MTUS1: variants seen among roughly 807,000 people sequenced by gnomAD.
MTUS1 encodes the protein microtubule associated scaffold protein 1.
In MTUS1, 109 loss-of-function variants were observed where a neutral mutation model predicts 120.8. The observed-to-expected ratio is 0.90, with a 90% confidence interval of 0.77 to 1.06. The LOEUF is 1.06. Among genes scored for constraint, MTUS1 ranks in the 50% least tolerant of loss-of-function variants. The pLI, the probability that MTUS1 is intolerant of heterozygous loss-of-function variation, is 0.00. For synonymous variants in MTUS1, 737 were observed against 550.5 expected (o/e 1.34, Z -4.74); for missense variants, 2,210 against 1,486.3 (o/e 1.49, Z -8.01).
At chr8:17,798,181 T>C (rs1267058796) in intron 1 of MTUS1, among the ~76,000 whole-genome samples, 4 of 152,200 alleles carry the variant, frequency 2.6e-5, no homozygotes, top group Admixed American at 6.5e-5. Context: ...GATTTAAAAC[T>C]TTCTGCTCTG....
chr8:17,712,497 C>T (rs1011798283), intron 6 of MTUS1, among the ~76,000 whole-genome samples: 6 of 152,010 alleles, frequency 3.9e-5, no homozygotes, highest in Admixed American at 2.6e-4. Flanking sequence ...CCACCACGTC[C>T]GGCAAACTTT....
chr8:17,723,973 A>G (rs1204311399), intron 3 of MTUS1, 140 bp from the exon 4 acceptor site: 2 of 663,874 alleles, frequency 3.0e-6, no homozygotes, highest in South Asian at 2.0e-5. Flanking sequence ...GTAACTTCAG[A>G]TGAAAGATGA....
intron 6 of MTUS1, chr8:17,708,860 G>A (rs909485064): frequency 2.0e-5 from 3 of 152,172 alleles, no homozygotes; most frequent in Non-Finnish European, 4.4e-5. Context: ...TGAGATAGCT[G>A]GGCGCAGTGA....
At chr8:17,741,602 C>T (rs2047322729) in intron 3 of MTUS1, among the ~76,000 whole-genome samples, 1 of 152,204 alleles carries the variant, frequency 6.6e-6, no homozygotes, top group Non-Finnish European at 1.5e-5. Context: ...CATTATGCAA[C>T]ACAGAGTAAA....
At chr8:17,651,701 C>G (rs186848264) in intron 12 of MTUS1, 3 of 152,180 alleles carry the variant, frequency 2.0e-5, no homozygotes, top group African/African-American at 4.8e-5. Context: ...TACAGTCAGA[C>G]GCACTCTTTT....
At chr8:17,721,873 C>A in intron 4 of MTUS1, 1 of 1,613,740 alleles carries the variant, frequency 6.2e-7, no homozygotes, top group South Asian at 1.1e-5. Context: ...AGTTTCTGTA[C>A]AACTGCGAAA....
intron 2 of MTUS1, among the ~76,000 whole-genome samples, chr8:17,750,828 G>A (rs533435593): frequency 6.6e-6 from 1 of 152,124 alleles, no homozygotes; most frequent in Non-Finnish European, 1.5e-5. Flanking sequence ...ACACTATCAT[G>A]AACACATAAC....
At chr8:17,798,747 T>C (rs1244401563) in intron 1 of MTUS1, among the ~76,000 whole-genome samples, 2 of 152,072 alleles carry the variant, frequency 1.3e-5, no homozygotes, top group Non-Finnish European at 2.9e-5. Context: ...TTAAAGAAAT[T>C]TGTGTATGTC....
chr8:17,780,424 T>C (rs1033038206), intron 1 of MTUS1, among the ~76,000 whole-genome samples: 7 of 152,154 alleles, frequency 4.6e-5, no homozygotes, highest in Non-Finnish European at 1.0e-4. Context: ...TCTGATACAA[T>C]CTCAAGCTTC....
intron 1 of MTUS1, among the ~76,000 whole-genome samples, chr8:17,787,492 C>T (rs193029885): frequency 6.6e-5 from 10 of 152,286 alleles, no homozygotes; most frequent in Admixed American, 3.3e-4. Context: ...CTCACAATAA[C>T]GAAATCACCT....
chr8:17,738,644 T>C (rs1563295509), intron 3 of MTUS1, among the ~76,000 whole-genome samples: 1 of 152,168 alleles, frequency 6.6e-6, no homozygotes, highest in Non-Finnish European at 1.5e-5. Context: ...CCATGGTGGT[T>C]GACTTCACCT....
chr8:17,662,499 G>A (rs967409241), intron 8 of MTUS1, among the ~76,000 whole-genome samples: 1 of 151,676 alleles, frequency 6.6e-6, no homozygotes, highest in Non-Finnish European at 1.5e-5. Flanking sequence ...GGGACTACAG[G>A]TGCACACCAC....
intron 6 of MTUS1, among the ~76,000 whole-genome samples, chr8:17,695,306 G>C (rs1817733806): frequency 6.6e-6 from 1 of 152,120 alleles, no homozygotes; most frequent in Non-Finnish European, 1.5e-5. Flanking sequence ...ATTTGCAGCT[G>C]GAAAATATGT....
At chr8:17,720,057 C>T (rs762218346) in intron 4 of MTUS1, among the ~76,000 whole-genome samples, 5 of 152,118 alleles carry the variant, frequency 3.3e-5, no homozygotes, top group South Asian at 2.1e-4. Context: ...AGGAAAACTA[C>T]GGTGGGACCG....
Position 17,780,039 on chromosome 8 carries a change from G to T in MTUS1, c.-155+21022C>A, listed in dbSNP as rs923885867. The stretch of plus-strand genomic sequence containing the variant: ...CCAGTGGTTGAGGTGGGGCCTGGTG[G>T]GAGATGACTGGGTTATGGGGGTGGA... On this transcript the variant is annotated intron_variant, in intron 1 of 14. Transcript: ENST00000693296. 2.0e-5 allele frequency among the ~76,000 whole-genome samples: 3 copies of T among 152,118 alleles called. No individual in the cohort carries two copies. In the East Asian group the frequency reaches 5.8e-4, roughly 29 times the overall value.
At chr8:17,675,921 C>A in intron 7 of MTUS1, 1 of 198,424 alleles carries the variant, frequency 5.0e-6, no homozygotes, top group South Asian at 1.5e-4. Flanking sequence ...AAGTATCAAC[C>A]TTGAGCTGAA....
At chr8:17,649,315 C>A (rs910843507) in intron 13 of MTUS1, among the ~76,000 whole-genome samples, 7 of 152,178 alleles carry the variant, frequency 4.6e-5, no homozygotes, top group Admixed American at 3.3e-4. Context: ...TCTCAACCTC[C>A]CTAAACTGCT....
intron 6 of MTUS1, among the ~76,000 whole-genome samples, chr8:17,710,025 A>G (rs1820978975): frequency 6.6e-6 from 1 of 151,934 alleles, no homozygotes; most frequent in African/African-American, 2.4e-5. Flanking sequence ...AAAACACCTT[A>G]ATTTAAAAAT....
Position 17,754,128 on chromosome 8 carries a change from G to C in MTUS1, c.1680C>G (p.Asp560Glu). ...TTTCTGCTTTTTTGTCTGCATTCAAGTCAGATCTCGGTGTTCTGCTCAAGA... is the reference window on the plus strand; with the variant it reads ...TTTCTGCTTTTTTGTCTGCATTCAACTCAGATCTCGGTGTTCTGCTCAAGA... ...QTVLSRTPRS[D>E]LNADKKAEIL... is the part of the protein sequence containing the mutation. The change falls in exon 2 of 15, where the codon GAC (aspartate) becomes GAG (glutamate). Residue 560 changes from aspartate (D) to glutamate (E), a missense_variant. Asp to Glu is a conservative substitution (Grantham distance 45). Transcript: ENST00000693296. 1 of 1,613,862 alleles carries C rather than the reference G, an allele frequency of 6.2e-7. No individual in the cohort carries two copies. Among genetic ancestry groups the C allele is most frequent in the Non-Finnish European group, 8.5e-7 (1 of 1,180,028 alleles).
Sources: gnomAD v4.1 joint callset for allele counts (sites outside exome capture counted in the v4.1 genomes callset) on GRCh38, gnomAD v4.1.1 for gene constraint, MANE v1.5 for transcripts, NCBI Gene and HGNC (gene_info 2026-07-23, HGNC 2026-07-21) for gene names.